Variants in GSTCD observed in about 807,000 individuals in gnomAD.
GSTCD encodes the protein glutathione S-transferase C-terminal domain containing, also known as glutathione S-transferase C-terminal domain-containing protein.
GSTCD carries 44 observed loss-of-function variants against 68.3 expected under a neutral mutation model. That is an observed-to-expected ratio of 0.64 (90% CI 0.51 to 0.83). The LOEUF is 0.83. GSTCD is among the 40% of genes least tolerant of loss of function. The probability of loss-of-function intolerance (pLI) is 0.00; values close to 1 mark genes in which losing one functional copy is unlikely to be tolerated. For synonymous variants in GSTCD, 273 were observed against 255.2 expected, an observed-to-expected ratio of 1.07 and a Z score of -0.67; for missense variants, 739 against 735.9, an observed-to-expected ratio of 1.00 and a Z score of -0.05.
At chr4:105,844,038 T>C (rs992545004) in intron 11 of GSTCD, among the ~76,000 whole-genome samples, 2 of 152,108 alleles carry the variant, frequency 1.3e-5, no homozygotes, top group African/African-American at 2.4e-5. Flanking sequence ...CAGCTAAATT[T>C]CAGTTGTAGA....
chr4:105,782,411 G>A (rs1415972402), intron 5 of GSTCD, among the ~76,000 whole-genome samples: 1 of 152,094 alleles, frequency 6.6e-6, no homozygotes, highest in Admixed American at 6.6e-5. Context: ...AGGATCTGTT[G>A]AGCCCAAGAG....
intron 1 of GSTCD, among the ~76,000 whole-genome samples, chr4:105,710,387 C>CTTTTT (rs70941210): frequency 8.1e-6 from 1 of 123,712 alleles, no homozygotes. Flanking sequence ...CACTCGGCTC[C>CTTTTT]TTTTTTTTTT....
chr4:105,736,890 A>G (rs528210257), intron 5 of GSTCD, among the ~76,000 whole-genome samples: 168 of 152,246 alleles, frequency 1.1e-3, no homozygotes, highest in Non-Finnish European at 2.1e-3. Flanking sequence ...AAGCTCATCC[A>G]TGTTGCTGTG....
chr4:105,784,293 T>C (rs1735385583), intron 5 of GSTCD, among the ~76,000 whole-genome samples: 1 of 152,208 alleles, frequency 6.6e-6, no homozygotes, highest in Non-Finnish European at 1.5e-5. Flanking sequence ...AGCATGGCAC[T>C]AGCATCTGGT....
At position 105,814,851 on chromosome 4, in the gene GSTCD, G is replaced by A. The variant is rs535802724; in HGVS notation, c.1241-8103G>A. Among the ~76,000 whole-genome samples the A allele has an allele frequency of 8.5e-5, 13 of 152,210 alleles. No homozygotes were observed. In the South Asian group the frequency reaches 2.7e-3, roughly 32 times the overall value. On this transcript the variant is annotated intron_variant, in intron 5 of 11. Coordinates refer to ENST00000515279, the MANE Select transcript of GSTCD (RefSeq NM_001370181.1). ...CCTAACATTCTTTACAGTTAGGCCT[G>A]TAAAGTTAGGATCCTTAGAAAGGGA...
intron 5 of GSTCD, chr4:105,820,598 A>G (rs1723237261): frequency 6.6e-6 from 1 of 151,888 alleles, no homozygotes; most frequent in Non-Finnish European, 1.5e-5. Context: ...TAATATTTAT[A>G]AAACTAGAAC....
chr4:105,743,755 T>G (rs1733714371), intron 5 of GSTCD, among the ~76,000 whole-genome samples: 1 of 149,936 alleles, frequency 6.7e-6, no homozygotes, highest in African/African-American at 2.5e-5. Context: ...CCCTCCCAGA[T>G]TCACGCTGTT....
At chr4:105,753,411 A>G (rs1256373228) in intron 5 of GSTCD, 5 of 152,100 alleles carry the variant, frequency 3.3e-5, no homozygotes, top group African/African-American at 9.7e-5. Context: ...ATTTGTAGTT[A>G]TATATAAATT....
intron 5 of GSTCD, among the ~76,000 whole-genome samples, chr4:105,736,304 G>A (rs1289546410): frequency 6.6e-6 from 1 of 152,044 alleles, no homozygotes; most frequent in African/African-American, 2.4e-5. Flanking sequence ...TTCATTTGGG[G>A]TTACCTCAAT....
rs1313302248 is a variant in GSTCD at position 105,726,647 on chromosome 4, G to C, written c.963G>C (p.Arg321Ser). The change falls in exon 4 of 12, where the codon AGG becomes AGC. Residue 321 changes from arginine to serine, a missense_variant. By Grantham distance (110) the Arg-to-Ser change is moderately radical. Transcript: ENST00000515279. ...CATTGCTAGCCTCTTGGTACCAGAG[G>C]ATTCAGGAAGTGCCAGGAGTAAAAA... ...EFPLLASWYQRIQEVPGVKTA... is the reference protein window; with the variant it reads ...EFPLLASWYQSIQEVPGVKTA... 1 of 1,613,514 alleles carries C rather than the reference G, an allele frequency of 6.2e-7. No individual in the cohort carries two copies. Among genetic ancestry groups the C allele is most frequent in the Admixed American group, 1.7e-5 (1 of 59,922 alleles).
intron 5 of GSTCD, among the ~76,000 whole-genome samples, chr4:105,764,542 G>C (rs569859007): frequency 6.6e-6 from 1 of 152,160 alleles, no homozygotes; most frequent in African/African-American, 2.4e-5. Context: ...GCTTTCTGGC[G>C]AGGCTTCTCT....
chr4:105,771,285 A>T (rs1312028758), intron 5 of GSTCD, among the ~76,000 whole-genome samples: 2 of 151,914 alleles, frequency 1.3e-5, no homozygotes, highest in Admixed American at 6.6e-5. Flanking sequence ...TAACAGATGG[A>T]TAAATTGCAA....
intron 5 of GSTCD, among the ~76,000 whole-genome samples, chr4:105,813,184 G>T (rs1465823651): frequency 3.9e-5 from 6 of 152,016 alleles, no homozygotes; most frequent in African/African-American, 1.4e-4. Flanking sequence ...TCATTGAGCT[G>T]TTACAAAAAA....
In GSTCD at chr4:105,719,363, T is replaced by C; in HGVS notation, c.730T>C (p.Ser244Pro). Residue 244 changes from serine (S) to proline (P), a missense_variant, in exon 3 of 12, where the codon TCA becomes CCA. Coordinates refer to ENST00000515279, the MANE Select transcript of GSTCD (RefSeq NM_001370181.1). ...GAGTCTGGAACTGAAAGTGGCATTC[T>C]CAAAGCTCACAGTACAGGAAGAACC... ...SKSLELKVAF[S>P]KLTVQEEPAT... The C allele has an allele frequency of 6.2e-7, 1 of 1,614,094 alleles. No homozygotes were observed. The highest frequency in any genetic ancestry group is 8.5e-7 in the Non-Finnish European group (1 of 1,179,996).
chr4:105,710,638 A>G (rs1185890151), intron 1 of GSTCD, among the ~76,000 whole-genome samples: 1 of 152,180 alleles, frequency 6.6e-6, no homozygotes, highest in Non-Finnish European at 1.5e-5. Flanking sequence ...ACAAAGAATA[A>G]ATACTTGGAA....
chr4:105,830,868 G>A (rs1723864627), intron 8 of GSTCD, among the ~76,000 whole-genome samples: 1 of 152,010 alleles, frequency 6.6e-6, no homozygotes, highest in African/African-American at 2.4e-5. Context: ...TGGAAAAAGG[G>A]AAGATAGTGT....
intron 5 of GSTCD, among the ~76,000 whole-genome samples, chr4:105,777,888 C>T (rs1047890194): frequency 6.6e-6 from 1 of 152,050 alleles, no homozygotes; most frequent in Non-Finnish European, 1.5e-5. Context: ...TATATATTAA[C>T]AATCCCTTCT....
intron 5 of GSTCD, among the ~76,000 whole-genome samples, chr4:105,754,289 C>G (rs1380032916): frequency 6.6e-6 from 1 of 151,938 alleles, no homozygotes; most frequent in Non-Finnish European, 1.5e-5. Context: ...GGCACTTAAA[C>G]AATACAGTTG....
chr4:105,825,433 G>A (rs898748842), intron 7 of GSTCD, among the ~76,000 whole-genome samples: 9 of 151,966 alleles, frequency 5.9e-5, no homozygotes, highest in East Asian at 1.9e-4. Context: ...CCCGGCCCAC[G>A]CTGTATTATT....
Sources: gnomAD v4.1 joint callset for allele counts (sites outside exome capture counted in the v4.1 genomes callset) on GRCh38, gnomAD v4.1.1 for gene constraint, MANE v1.5 for transcripts, NCBI Gene and HGNC (gene_info 2026-07-23, HGNC 2026-07-21) for gene names.